The following YPEL4 variants were observed in gnomAD, a reference collection of about 807,000 sequenced individuals.
YPEL4 encodes the protein protein yippee-like 4.
YPEL4 carries 5 observed loss-of-function variants against 16.3 expected under a neutral mutation model. The observed-to-expected ratio is 0.31, with a 90% CI of 0.16 to 0.64. The LOEUF (loss-of-function observed/expected upper bound fraction) is 0.64. Among genes scored for constraint, YPEL4 ranks in the 30% least tolerant of loss-of-function variants. The probability of loss-of-function intolerance (pLI) is 0.79; values close to 1 mark genes in which losing one functional copy is unlikely to be tolerated. For missense variants in YPEL4, 127 were observed against 170.0 expected, an observed-to-expected ratio of 0.75 and a Z score of 1.41; for synonymous variants, 61 against 60.7, an observed-to-expected ratio of 1.00 and a Z score of -0.02.
intron 1 of YPEL4, chr11:57,649,282 G>C (rs1252676828): frequency 1.4e-5 from 2 of 140,372 alleles, no homozygotes; most frequent in African/African-American, 5.1e-5. Context: ...TGCTTCTCAG[G>C]GGGGAAAAGA....
At chr11:57,646,668 G>C in intron 3 of YPEL4, 83 bp downstream of exon 3, 2 of 1,568,704 alleles carry the variant, frequency 1.3e-6, no homozygotes, top group Admixed American at 1.8e-5. Flanking sequence ...ATCACCTGAT[G>C]GATTCCCCCC....
At chr11:57,646,579 T>A (rs1329180005) in intron 3 of YPEL4, 172 bp downstream of exon 3, 19 of 1,227,434 alleles carry the variant, frequency 1.5e-5, no homozygotes, top group Non-Finnish European at 2.1e-5. Flanking sequence ...ATGATTTCAA[T>A]TCTCCCCCGG....
intron 3 of YPEL4, 126 bp downstream of exon 3, chr11:57,646,625 T>G: frequency 7.0e-6 from 10 of 1,425,772 alleles, no homozygotes; most frequent in Non-Finnish European, 8.7e-6. Flanking sequence ...AGACCCTCTT[T>G]GCAAAAGGGG....
chr11:57,648,726 C>T (rs1406733873), intron 1 of YPEL4: 1 of 152,426 alleles, frequency 6.6e-6, no homozygotes. Context: ...GTCCTCTCCT[C>T]CGGGCTGGGT....
At chr11:57,646,634 G>T in intron 3 of YPEL4, 117 bp downstream of exon 3, 3 of 1,452,310 alleles carry the variant, frequency 2.1e-6, no homozygotes. Flanking sequence ...TTGCAAAAGG[G>T]GAGGCAAAGA....
chr11:57,646,201 T>C (rs1945728157), intron 4 of YPEL4, 96 bp downstream of exon 4: 2 of 1,572,530 alleles, frequency 1.3e-6, no homozygotes, highest in Non-Finnish European at 1.7e-6. Flanking sequence ...CTTTCCTCTT[T>C]GGACCATGCA....
At chr11:57,646,453 T>A in intron 3 of YPEL4, 48 bp from the exon 4 acceptor site, 2 of 1,604,836 alleles carry the variant, frequency 1.2e-6, no homozygotes, top group Non-Finnish European at 1.7e-6. Flanking sequence ...GGTTGCACTG[T>A]CAGTCCAGTC....
Position 57,645,885 on chromosome 11 carries a change from C to T in YPEL4, c.*96G>A. 2 of 1,291,288 alleles carry T rather than the reference C, an allele frequency of 1.5e-6. No individual in the cohort carries two copies. The highest frequency in any genetic ancestry group is 2.2e-6 in the Non-Finnish European group (2 of 923,192). 80.0% of individuals were successfully genotyped at this position (1,291,288 alleles called of 1,614,324 possible). On this transcript the variant is annotated 3_prime_UTR_variant, in exon 5 of 5. Transcript: ENST00000300022. The stretch of plus-strand genomic sequence containing the variant: ...GGGTTGGTTGGAGCCAGGTTTCCCC[C>T]AGGGGTGGGGCAGTACTCATGCTGG...
chr11:57,647,599 A>C lies in YPEL4; in HGVS notation c.-184-308T>G, dbSNP rs1325510414. 2 of 153,122 alleles carry C rather than the reference A, an allele frequency of 1.3e-5. No homozygotes were observed. Among genetic ancestry groups the C allele is most frequent in the African/African-American group, 4.8e-5 (2 of 41,470 alleles). The allele number at this position is 153,122 out of a possible 1,614,324, so 9.5% of individuals were successfully genotyped here. On this transcript the variant is annotated intron_variant, in intron 1 of 4. Transcript: ENST00000300022. The surrounding 1 kb of genome is among the most constrained non-coding windows in gnomAD (Gnocchi z 4.2). The stretch of plus-strand genomic sequence containing the variant: ...CGGGCACAGACGCTGCCATGGGAGC[A>C]ACGTCATCTGCAAGTGCCCTCTCCT...
rs1801428033 is a variant in YPEL4 at position 57,645,793 on chromosome 11, C to T, written c.*188G>A. ...GCTGCCCACTCCTGAGCCTTAACAC[C>T]CCTGGGGTACCCCCAGACCCCTGTT... On this transcript the variant is annotated 3_prime_UTR_variant, in exon 5 of 5. Transcript: ENST00000300022. 3 of 609,552 alleles carry T rather than the reference C, an allele frequency of 4.9e-6. No homozygotes were observed. In the African/African-American group the frequency reaches 5.6e-5, roughly 11 times the overall value. 37.8% of individuals were successfully genotyped at this position (609,552 alleles called of 1,614,324 possible).
rs568288889 is a variant in YPEL4, at chr11:57,646,528, C to T, written c.186-123G>A. ...GACAGCCCCTGCCTTTGATAATCCA[C>T]CCCTTTAAGACTAGAGCCTGGGCCT... On this transcript the variant is annotated intron_variant, in intron 3 of 4. Transcript: ENST00000300022. 5.1e-5 allele frequency: 64 copies of T among 1,257,310 alleles called. No individual in the cohort carries two copies. In the Middle Eastern group the frequency reaches 1.2e-3, roughly 25 times the overall value. 77.9% of individuals were successfully genotyped at this position (1,257,310 alleles called of 1,614,324 possible). A position where few individuals can be genotyped will look rare whatever the true frequency, so the allele number is the denominator to read the frequency against.
intron 1 of YPEL4, chr11:57,649,459 A>T (rs1945766386): frequency 6.6e-6 from 1 of 152,250 alleles, no homozygotes; most frequent in African/African-American, 2.4e-5. Flanking sequence ...ATAAACAGTG[A>T]TGCCTGATGC....
chr11:57,645,800 G>T lies in YPEL4; in HGVS notation c.*181C>A. 1.6e-6 allele frequency: 1 copy of T among 618,428 alleles called. No individual in the cohort carries two copies. Among genetic ancestry groups the T allele is most frequent in the Non-Finnish European group, 2.8e-6 (1 of 354,708 alleles). The allele number at this position is 618,428 out of a possible 1,614,324, so 38.3% of individuals were successfully genotyped here. A position where few individuals can be genotyped will look rare whatever the true frequency, so the allele number is the denominator to read the frequency against. ...ACTCCTGAGCCTTAACACCCCTGGGGTACCCCCAGACCCCTGTTCTAAAGG... is the reference window on the plus strand; with the variant it reads ...ACTCCTGAGCCTTAACACCCCTGGGTTACCCCCAGACCCCTGTTCTAAAGG... On this transcript the variant is annotated 3_prime_UTR_variant, in exon 5 of 5. Coordinates refer to ENST00000300022, the MANE Select transcript of YPEL4 (RefSeq NM_145008.3).
At position 57,645,387 on chromosome 11, in the gene YPEL4, T is replaced by G. The variant is rs574396766; in HGVS notation, c.*594A>C. ...TTCAGTGCCAAGATAAACTAACAAG[T>G]GGAGTGAAATGGAAAACCCTTTGAT... On this transcript the variant is annotated 3_prime_UTR_variant, in exon 5 of 5. Transcript: ENST00000300022. 1 of 153,618 alleles carries G rather than the reference T, an allele frequency of 6.5e-6. No homozygotes were observed. The highest frequency in any genetic ancestry group is 6.5e-5 in the Admixed American group (1 of 15,438). 9.5% of individuals were successfully genotyped at this position (153,618 alleles called of 1,614,324 possible).
In YPEL4 at chr11:57,647,393, C is replaced by T. The variant is rs1397465026; in HGVS notation, c.-184-102G>A. 2 of 314,394 alleles carry T rather than the reference C, an allele frequency of 6.4e-6. No homozygotes were observed. The highest frequency in any genetic ancestry group is 1.1e-4 in the East Asian group (2 of 18,410). The allele number at this position is 314,394 out of a possible 1,614,324, so 19.5% of individuals were successfully genotyped here. ...ATCAGCTCACCCATACCTCTACTTT[C>T]CCCATCACCATCGACCCCCCCACAG... On this transcript the variant is annotated intron_variant, in intron 1 of 4. Transcript: ENST00000300022. This position sits in a 1 kb window ranked among gnomAD's most constrained non-coding sequence, Gnocchi z 4.2.
intron 3 of YPEL4, 43 bp downstream of exon 3, chr11:57,646,708 C>T (rs1344519061): frequency 1.2e-6 from 2 of 1,610,966 alleles, no homozygotes; most frequent in Non-Finnish European, 1.7e-6. Context: ...TACTCACTCA[C>T]ACACAAGCAC....
chr11:57,646,737 A>C lies in YPEL4; in HGVS notation c.185+14T>G. On this transcript the variant is annotated intron_variant, in intron 3 of 4. Coordinates refer to ENST00000300022, the MANE Select transcript of YPEL4 (RefSeq NM_145008.3). The stretch of plus-strand genomic sequence containing the variant: ...CAAGCACAAGCACACGCACAAGGAA[A>C]GAGGTAGACTCACACGGAGTTAAAC... The C allele has an allele frequency of 6.2e-7, 1 of 1,613,786 alleles. No homozygotes were observed. Among genetic ancestry groups the C allele is most frequent in the Non-Finnish European group, 8.5e-7 (1 of 1,179,898 alleles).
Position 57,646,278 on chromosome 11 carries a change from CT to C in YPEL4, c.294+18del. On this transcript the variant is annotated intron_variant, in intron 4 of 4. Coordinates refer to ENST00000300022, the MANE Select transcript of YPEL4 (RefSeq NM_145008.3). ...GGGACTGCCACTTTAGAGGGTGACCCTCTTCCTCAGGTACTTACATATTTCC... is the reference window on the plus strand; with the variant it reads ...GGGACTGCCACTTTAGAGGGTGACCCCTTCCTCAGGTACTTACATATTTCC... 6.2e-7 allele frequency: 1 copy of C among 1,613,944 alleles called. No homozygotes were observed. Among genetic ancestry groups the C allele is most frequent in the Non-Finnish European group, 8.5e-7 (1 of 1,179,860 alleles).
intron 3 of YPEL4, 70 bp downstream of exon 3, chr11:57,646,681 T>C: frequency 6.3e-7 from 1 of 1,590,900 alleles, no homozygotes. Context: ...TTCCCCCCTT[T>C]CTCCACAGAG....
Sources: allele counts gnomAD v4.1 joint callset, GRCh38; gene constraint gnomAD v4.1.1; non-coding constraint Gnocchi (gnomAD v3.1); transcripts MANE v1.5; gene names NCBI Gene and HGNC (gene_info 2026-07-23, HGNC 2026-07-21).